Variants in NIPBL observed in about 807,000 individuals in gnomAD.
NIPBL encodes nipped-B-like protein.
NIPBL carries 19 observed loss-of-function variants against 321.8 expected under a neutral mutation model. The observed-to-expected ratio is 0.06, with a 90% CI of 0.04 to 0.09. NIPBL has a LOEUF of 0.09. Ranked by LOEUF, NIPBL falls within the 10% of genes least tolerant of loss-of-function variation. The pLI, the probability that NIPBL is intolerant of heterozygous loss-of-function variation, is 1.00. For synonymous variants in NIPBL, 1,106 were observed against 1,114.1 expected, an observed-to-expected ratio of 0.99 and a Z score of 0.14; for missense variants, 2,210 against 3,327.0, an observed-to-expected ratio of 0.66 and a Z score of 8.26.
rs180726437 is a variant in NIPBL at position 37,031,057 on chromosome 5, C to T, written c.5862+3645C>T. On this transcript the variant is annotated intron_variant, in intron 32 of 46. Transcript: ENST00000282516. ...GGAGTGCAGTGGCACGATCTCCGCT[C>T]ACTGCAACCTCCGCCTCCTGGGTTC... Among the ~76,000 whole-genome samples the T allele has an allele frequency of 2.0e-5, 3 of 151,916 alleles. No individual in the cohort carries two copies. In the East Asian group the frequency reaches 5.8e-4, roughly 29 times the overall value.
intron 32 of NIPBL, among the ~76,000 whole-genome samples, chr5:37,027,826 C>T (rs1236096554): frequency 6.6e-6 from 1 of 151,766 alleles, no homozygotes; most frequent in Non-Finnish European, 1.5e-5. Flanking sequence ...ACTATGTTGG[C>T]CAGGCTGGTC....
intron 1 of NIPBL, chr5:36,885,650 A>G (rs1745839152): frequency 3.6e-6 from 2 of 550,462 alleles, no homozygotes; most frequent in African/African-American, 1.9e-5. Flanking sequence ...CAATGCCTGC[A>G]TTGTTCTGCA....
At chr5:37,004,286 A>G (rs574320620) in intron 16 of NIPBL, among the ~76,000 whole-genome samples, 30 of 152,316 alleles carry the variant, frequency 2.0e-4, no homozygotes, top group South Asian at 8.3e-4. Flanking sequence ...GTAGTGGACT[A>G]TGAATTATAT....
At chr5:36,982,777 A>G (rs1399673291) in intron 9 of NIPBL, among the ~76,000 whole-genome samples, 2 of 151,836 alleles carry the variant, frequency 1.3e-5, no homozygotes, top group East Asian at 3.9e-4. Flanking sequence ...CCTCTAAGCT[A>G]TGTTAATGTT....
intron 1 of NIPBL, among the ~76,000 whole-genome samples, chr5:36,899,520 A>G (rs922777745): frequency 6.6e-5 from 10 of 152,176 alleles, no homozygotes; most frequent in African/African-American, 2.4e-4. Context: ...GAGCAGTAGG[A>G]TTTTGTAAAA....
chr5:37,047,888 G>A (rs2149736221), intron 38 of NIPBL, among the ~76,000 whole-genome samples: 1 of 152,230 alleles, frequency 6.6e-6, no homozygotes, highest in East Asian at 1.9e-4. Context: ...CGTGGTTATA[G>A]GATTCAGCAT....
chr5:36,920,852 G>A (rs1217915442), intron 1 of NIPBL, among the ~76,000 whole-genome samples: 1 of 148,752 alleles, frequency 6.7e-6, no homozygotes. Flanking sequence ...AAGACTGCCT[G>A]GACCTACTCT....
intron 1 of NIPBL, among the ~76,000 whole-genome samples, chr5:36,930,444 C>T (rs1223753470): frequency 6.6e-6 from 1 of 151,710 alleles, no homozygotes; most frequent in African/African-American, 2.4e-5. Context: ...TCTAGTTGTT[C>T]GTTGGTGGTT....
At chr5:36,964,771 A>G (rs978602927) in intron 6 of NIPBL, among the ~76,000 whole-genome samples, 1 of 152,188 alleles carries the variant, frequency 6.6e-6, no homozygotes, top group Non-Finnish European at 1.5e-5. Flanking sequence ...AATATTTGCA[A>G]ACTATCTGTT....
chr5:37,023,862 A>G (rs1749952739), intron 29 of NIPBL, among the ~76,000 whole-genome samples: 1 of 132,838 alleles, frequency 7.5e-6, no homozygotes, highest in African/African-American at 2.9e-5. Flanking sequence ...TGTGTTTTGT[A>G]TCTCTTATAA....
At chr5:36,878,373 T>C (rs1198191899) in intron 1 of NIPBL, among the ~76,000 whole-genome samples, 1 of 152,216 alleles carries the variant, frequency 6.6e-6, no homozygotes, top group Non-Finnish European at 1.5e-5. Flanking sequence ...CATGAGTAAG[T>C]TAAGTGTTTC....
At chr5:36,887,580 T>G (rs1235631312) in intron 1 of NIPBL, among the ~76,000 whole-genome samples, 1 of 152,218 alleles carries the variant, frequency 6.6e-6, no homozygotes, top group African/African-American at 2.4e-5. Flanking sequence ...GCTTATGTCT[T>G]TGACCTCCCA....
intron 42 of NIPBL, among the ~76,000 whole-genome samples, chr5:37,054,228 A>G (rs1426729340): frequency 6.6e-6 from 1 of 151,908 alleles, no homozygotes; most frequent in Non-Finnish European, 1.5e-5. Flanking sequence ...CAAAAGAAAT[A>G]CTTTAATTAC....
At chr5:37,011,724 T>C (rs1399370421) in intron 21 of NIPBL, among the ~76,000 whole-genome samples, 4 of 152,150 alleles carry the variant, frequency 2.6e-5, no homozygotes, top group Non-Finnish European at 1.5e-5. Context: ...TTATGTAAAT[T>C]TGATATACAA....
At chr5:36,921,367 C>A (rs1263752573) in intron 1 of NIPBL, among the ~76,000 whole-genome samples, 1 of 152,158 alleles carries the variant, frequency 6.6e-6, no homozygotes, top group Non-Finnish European at 1.5e-5. Flanking sequence ...AGTCTGGTAG[C>A]ATAGTCTGTT....
intron 10 of NIPBL, among the ~76,000 whole-genome samples, chr5:36,990,550 AAC>A: frequency 6.6e-6 from 1 of 152,298 alleles, no homozygotes; most frequent in Admixed American, 6.5e-5. Flanking sequence ...CTTTCTTAAA[AAC>A]TCAAATTTTC....
chr5:37,033,705 C>CACACAT lies in NIPBL; in HGVS notation c.5863-2673_5863-2672insCACATA, dbSNP rs1415570935. Among the ~76,000 whole-genome samples, 117 of 80,212 alleles carry CACACAT rather than the reference C, an allele frequency of 1.5e-3. 1 individual carries two copies. The highest frequency in any genetic ancestry group is 3.3e-3 in the East Asian group (9 of 2,696). 52.6% of individuals were successfully genotyped at this position (80,212 alleles called of 152,430 possible). A position where few individuals can be genotyped will look rare whatever the true frequency, so the allele number is the denominator to read the frequency against. On this transcript the variant is annotated intron_variant, in intron 32 of 46. Coordinates refer to ENST00000282516, the MANE Select transcript of NIPBL (RefSeq NM_133433.4). ...GTACATACACACACACACACACACA[C>CACACAT]ATATATATATATATATATATATATA...
intron 11 of NIPBL, 27 bp from the exon 12 acceptor site, chr5:37,000,346 T>C (rs1163346149): frequency 6.2e-7 from 1 of 1,605,262 alleles, no homozygotes; most frequent in Non-Finnish European, 8.5e-7. Flanking sequence ...ATGAGGTAAA[T>C]TATTTGTCAT....
At chr5:36,999,837 C>T (rs575529876) in intron 11 of NIPBL, among the ~76,000 whole-genome samples, 5 of 152,284 alleles carry the variant, frequency 3.3e-5, no homozygotes, top group Non-Finnish European at 5.9e-5. Context: ...CATGTTAGGT[C>T]ACCAGGGCTT....
Sources: allele counts gnomAD v4.1 joint callset (sites outside exome capture counted in the v4.1 genomes callset), GRCh38; gene constraint gnomAD v4.1.1; transcripts MANE v1.5; gene names NCBI Gene and HGNC (gene_info 2026-07-23, HGNC 2026-07-21).